The following CLDN14 variants were observed in gnomAD, a reference collection of about 807,000 sequenced individuals.
The protein encoded by CLDN14 is claudin 14, also known as claudin-14.
In CLDN14, 2 loss-of-function variants were observed where a neutral mutation model predicts 2.1. The ratio of observed to expected loss-of-function variants is 0.96; its 90% CI spans 0.39 to 3.01. The LOEUF (loss-of-function observed/expected upper bound fraction) is 3.01, where lower values mean the gene tolerates loss of function less well. Among genes scored for constraint, CLDN14 ranks in the 30% most tolerant of loss-of-function variants. The probability of loss-of-function intolerance (pLI) is 0.09; values close to 1 mark genes in which losing one functional copy is unlikely to be tolerated. For missense variants in CLDN14, 298 were observed against 328.0 expected (o/e 0.91, Z 0.71); for synonymous variants, 136 against 154.4 (o/e 0.88, Z 0.88).
intron 1 of CLDN14, among the ~76,000 whole-genome samples, chr21:36,473,048 T>G (rs572032154): frequency 6.6e-6 from 1 of 151,534 alleles, no homozygotes; most frequent in Non-Finnish European, 1.5e-5. Context: ...CTCAGCTCTA[T>G]AGCAGGCTGC....
At chr21:36,531,209 A>C (rs2087376744) in intron 1 of CLDN14, among the ~76,000 whole-genome samples, 1 of 152,108 alleles carries the variant, frequency 6.6e-6, no homozygotes, top group Non-Finnish European at 1.5e-5. Flanking sequence ...GCCTGGGTGA[A>C]GAGTGAGACC....
At chr21:36,523,759 AAAAGAAAG>A (rs1351267368) in intron 1 of CLDN14, among the ~76,000 whole-genome samples, 1 of 78,128 alleles carries the variant, frequency 1.3e-5, no homozygotes, top group African/African-American at 5.0e-5. Flanking sequence ...AAAAAAAAAA[AAAAGAAAG>A]AAAGAGAGAA....
chr21:36,516,463 G>A (rs990226687), intron 1 of CLDN14, among the ~76,000 whole-genome samples: 10 of 152,166 alleles, frequency 6.6e-5, no homozygotes, highest in Non-Finnish European at 1.5e-4. Flanking sequence ...CCTCTCTCAA[G>A]CATCTGGATC....
At chr21:36,542,442 C>T (rs1186088115) in intron 1 of CLDN14, 1 of 152,276 alleles carries the variant, frequency 6.6e-6, no homozygotes, top group Non-Finnish European at 1.5e-5. Flanking sequence ...TCAGCTGATC[C>T]CCTGTGACTG....
At chr21:36,486,394 G>C (rs566796158) in intron 2 of CLDN14, 7 of 1,079,736 alleles carry the variant, frequency 6.5e-6, no homozygotes, top group Middle Eastern at 2.1e-4. Flanking sequence ...GCAGCTGCTC[G>C]TCTGGGCTCC....
chr21:36,482,400 G>A (rs56142246), upstream of CLDN14, among the ~76,000 whole-genome samples: 15 of 138,562 alleles, frequency 1.1e-4, no homozygotes, highest in Non-Finnish European at 1.8e-4. Context: ...ATGGATGGAT[G>A]GATGGATAGA....
chr21:36,476,914 A>G (rs2086786617), intron 1 of CLDN14, among the ~76,000 whole-genome samples: 2 of 152,230 alleles, frequency 1.3e-5, no homozygotes. Flanking sequence ...GATTGCAGAA[A>G]TCCTTGTGTA....
chr21:36,483,723 C>T (rs1266458157), upstream of CLDN14, among the ~76,000 whole-genome samples: 1 of 152,184 alleles, frequency 6.6e-6, no homozygotes, highest in East Asian at 1.9e-4. Context: ...CCTTATCCAT[C>T]GTAGGTATTG....
rs113316664 is a variant in CLDN14, at chr21:36,478,902, C to G, written c.-82+593G>C. ...CCCAGGTAACTGAAGGATTAACTCA[C>G]GTCTCAAATTGCATGGCATTTCTCC... On this transcript the variant is annotated intron_variant, in intron 1 of 1. Transcript: ENST00000399135. Among the ~76,000 whole-genome samples, 186 of 152,268 alleles carry G rather than the reference C, an allele frequency of 1.2e-3. 1 individual carries two copies. In the Middle Eastern group the frequency reaches 0.014, roughly 11 times the overall value.
intron 1 of CLDN14, among the ~76,000 whole-genome samples, chr21:36,533,376 A>G (rs1362683768): frequency 6.6e-6 from 1 of 152,186 alleles, no homozygotes; most frequent in Non-Finnish European, 1.5e-5. Context: ...ACTAAACTCC[A>G]TCTGTTAATG....
At chr21:36,549,110 G>C (rs1275177825) in intron 1 of CLDN14, among the ~76,000 whole-genome samples, 1 of 151,144 alleles carries the variant, frequency 6.6e-6, no homozygotes, top group South Asian at 2.1e-4. Flanking sequence ...GCTTATCATT[G>C]CTATGGGGCA....
chr21:36,491,342 C>T (rs2086962237), intron 2 of CLDN14, among the ~76,000 whole-genome samples: 1 of 152,138 alleles, frequency 6.6e-6, no homozygotes, highest in South Asian at 2.1e-4. Context: ...AGCTGGGCGC[C>T]TCTTCCATAA....
intron 1 of CLDN14, among the ~76,000 whole-genome samples, chr21:36,557,654 T>C (rs1234677421): frequency 1.3e-5 from 2 of 152,258 alleles, no homozygotes; most frequent in African/African-American, 4.8e-5. Flanking sequence ...TGCTATTGGG[T>C]TGAAAGAGTT....
intron 1 of CLDN14, among the ~76,000 whole-genome samples, chr21:36,463,927 TAATAAC>T (rs1187905363): frequency 1.3e-5 from 2 of 152,098 alleles, no homozygotes; most frequent in Admixed American, 6.6e-5. Flanking sequence ...CAAAAATAAA[TAATAAC>T]AAAACAACGT....
intron 1 of CLDN14, among the ~76,000 whole-genome samples, chr21:36,555,714 T>C (rs1460810064): frequency 6.6e-6 from 1 of 152,078 alleles, no homozygotes; most frequent in Non-Finnish European, 1.5e-5. Flanking sequence ...CCACCCTCCA[T>C]TTTTAGCTTT....
At chr21:36,522,820 C>T (rs1053101037) in intron 1 of CLDN14, among the ~76,000 whole-genome samples, 1 of 151,914 alleles carries the variant, frequency 6.6e-6, no homozygotes, top group African/African-American at 2.4e-5. Context: ...TTTAATTATC[C>T]GCTGGGTCTC....
intron 2 of CLDN14, among the ~76,000 whole-genome samples, chr21:36,493,129 C>T (rs552291943): frequency 4.2e-4 from 64 of 152,102 alleles, no homozygotes; most frequent in Non-Finnish European, 6.3e-4. Flanking sequence ...GTTTTTCTGC[C>T]CGCCCCCGGG....
Position 36,544,208 on chromosome 21 carries a change from G to C in CLDN14, c.-220+32203C>G, listed in dbSNP as rs928021196. The stretch of plus-strand genomic sequence containing the variant: ...GCAGGATCACACTACACCTTGGGCA[G>C]GTCCTTGCCCTGGGCCCCCTCTGCT... On this transcript the variant is annotated intron_variant, in intron 1 of 2. Coordinates refer to the CLDN14 transcript ENST00000342108. This position sits in a 1 kb window ranked among gnomAD's most constrained non-coding sequence, Gnocchi z 4.1. Among the ~76,000 whole-genome samples the C allele has an allele frequency of 1.3e-5, 2 of 152,236 alleles. No individual in the cohort carries two copies. Among genetic ancestry groups the C allele is most frequent in the African/African-American group, 4.8e-5 (2 of 41,466 alleles).
At chr21:36,574,818 A>G (rs1451939159) in intron 1 of CLDN14, among the ~76,000 whole-genome samples, 1 of 152,188 alleles carries the variant, frequency 6.6e-6, no homozygotes. Flanking sequence ...CTAAATGACA[A>G]AGCTTTGATT....
Sources: gnomAD v4.1 joint callset for allele counts (sites outside exome capture counted in the v4.1 genomes callset) on GRCh38, gnomAD v4.1.1 for gene constraint, Gnocchi (gnomAD v3.1) non-coding constraint, MANE v1.5 for transcripts, NCBI Gene and HGNC (gene_info 2026-07-23, HGNC 2026-07-21) for gene names.